The following NCOA1 variants were observed in gnomAD, a reference collection of about 807,000 sequenced individuals.
NCOA1 encodes Hin-2 protein.
Under a neutral mutation model 150.9 loss-of-function variants are expected in NCOA1, and 35 were observed. The observed-to-expected ratio is 0.23, with a 90% confidence interval of 0.18 to 0.31. The LOEUF (loss-of-function observed/expected upper bound fraction) is 0.31, where lower values mean the gene tolerates loss of function less well. Among genes scored for constraint, NCOA1 ranks in the 10% least tolerant of loss-of-function variants. The probability of loss-of-function intolerance (pLI) is 1.00; values close to 1 mark genes in which losing one functional copy is unlikely to be tolerated. For missense variants in NCOA1, 1,491 were observed against 1,749.3 expected (o/e 0.85, Z 2.63); for synonymous variants, 590 against 630.0 (o/e 0.94, Z 0.95).
intron 21 of NCOA1, among the ~76,000 whole-genome samples, chr2:24,762,245 A>C (rs1285609205): frequency 1.3e-5 from 2 of 152,138 alleles, no homozygotes. Flanking sequence ...TTTTTTTCAC[A>C]TATTTTGTCA....
chr2:24,608,345 A>C (rs939457285), intron 3 of NCOA1, among the ~76,000 whole-genome samples: 5 of 149,852 alleles, frequency 3.3e-5, no homozygotes, highest in African/African-American at 9.8e-5. Context: ...CAGTGGTGCG[A>C]TCTCTGCTCA....
intron 8 of NCOA1, among the ~76,000 whole-genome samples, chr2:24,689,368 T>C (rs1331523574): frequency 6.6e-6 from 1 of 152,172 alleles, no homozygotes; most frequent in Non-Finnish European, 1.5e-5. Flanking sequence ...GATGTTTTTC[T>C]ATGTGTTTGT....
intron 1 of NCOA1, among the ~76,000 whole-genome samples, chr2:24,495,047 CT>C (rs1663140850): frequency 6.9e-6 from 1 of 144,784 alleles, no homozygotes; most frequent in Non-Finnish European, 1.5e-5. Flanking sequence ...CTAGTGGCAA[CT>C]AGGTACCAAT....
At chr2:24,761,089 C>G (rs1664769509) in intron 21 of NCOA1, among the ~76,000 whole-genome samples, 2 of 152,212 alleles carry the variant, frequency 1.3e-5, no homozygotes, top group Admixed American at 6.5e-5. Flanking sequence ...CTCAGGTGAT[C>G]TGCCCACCTC....
chr2:24,573,436 A>C (rs1476537438), intron 2 of NCOA1, among the ~76,000 whole-genome samples: 1 of 152,146 alleles, frequency 6.6e-6, no homozygotes, highest in Non-Finnish European at 1.5e-5. Flanking sequence ...CAGCAAACCC[A>C]GAGTTAGATA....
At chr2:24,658,321 C>G (rs1034729759) in intron 4 of NCOA1, among the ~76,000 whole-genome samples, 11 of 152,106 alleles carry the variant, frequency 7.2e-5, no homozygotes, top group African/African-American at 2.4e-4. Flanking sequence ...CAACATTCGG[C>G]TTCTACATTT....
intron 1 of NCOA1, among the ~76,000 whole-genome samples, chr2:24,530,409 A>G (rs1236757403): frequency 1.3e-5 from 2 of 152,176 alleles, no homozygotes; most frequent in East Asian, 3.8e-4. Flanking sequence ...GGAAAAACCT[A>G]TTTCTTACAC....
chr2:24,641,672 G>T (rs1670223133), intron 3 of NCOA1, among the ~76,000 whole-genome samples: 1 of 152,144 alleles, frequency 6.6e-6, no homozygotes, highest in African/African-American at 2.4e-5. Flanking sequence ...TTTAATGGAA[G>T]AAATTATTCC....
In NCOA1 at chr2:24,610,657, TTTAA is replaced by T. The variant is rs1456429067; in HGVS notation, c.-175+26099_-175+26102del. Among the ~76,000 whole-genome samples, 5 of 152,002 alleles carry T rather than the reference TTTAA, an allele frequency of 3.3e-5. No individual in the cohort carries two copies. In the East Asian group the frequency reaches 9.6e-4, roughly 29 times the overall value. On this transcript the variant is annotated intron_variant, in intron 3 of 22. Transcript: ENST00000348332. The stretch of plus-strand genomic sequence containing the variant: ...TTTTTCTCTTAATATATTAAACATA[TTTAA>T]TATTCTATATTTGATAATTCTAATA...
intron 2 of NCOA1, among the ~76,000 whole-genome samples, chr2:24,582,513 C>T (rs1379554628): frequency 6.6e-6 from 1 of 151,990 alleles, no homozygotes; most frequent in Non-Finnish European, 1.5e-5. Flanking sequence ...CTAATATTGT[C>T]AAAATGACCA....
intron 3 of NCOA1, among the ~76,000 whole-genome samples, chr2:24,606,969 C>T (rs1202982292): frequency 6.6e-6 from 1 of 152,154 alleles, no homozygotes; most frequent in African/African-American, 2.4e-5. Context: ...GCCATTGCCA[C>T]CCTCACTTCT....
At chr2:24,588,717 T>C (rs1558817241) in intron 3 of NCOA1, among the ~76,000 whole-genome samples, 1 of 152,174 alleles carries the variant, frequency 6.6e-6, no homozygotes, top group Non-Finnish European at 1.5e-5. Flanking sequence ...AGGTCTTTAG[T>C]AGGAGAAGAG....
At chr2:24,704,938 G>T (rs1222338362) in intron 11 of NCOA1, 148 bp from the exon 12 acceptor site, 5 of 684,664 alleles carry the variant, frequency 7.3e-6, no homozygotes. Context: ...TATCTGCTTT[G>T]TCTGAACTAT....
intron 22 of NCOA1, among the ~76,000 whole-genome samples, chr2:24,765,675 T>C (rs984224676): frequency 1.3e-5 from 2 of 152,160 alleles, no homozygotes; most frequent in Admixed American, 6.5e-5. Context: ...GCAAAAATTA[T>C]GCCAGAAAAT....
chr2:24,714,128 A>T (rs1673902109), intron 14 of NCOA1, among the ~76,000 whole-genome samples: 1 of 152,156 alleles, frequency 6.6e-6, no homozygotes, highest in Non-Finnish European at 1.5e-5. Flanking sequence ...TTTAGTGGAA[A>T]ATGGCCTCAC....
At chr2:24,577,605 G>C (rs1466814912) in intron 2 of NCOA1, among the ~76,000 whole-genome samples, 2 of 152,128 alleles carry the variant, frequency 1.3e-5, no homozygotes, top group African/African-American at 4.8e-5. Flanking sequence ...TTGAACTCAT[G>C]GTTTCAGTTT....
chr2:24,527,662 C>T (rs1446697054), intron 1 of NCOA1, among the ~76,000 whole-genome samples: 1 of 152,154 alleles, frequency 6.6e-6, no homozygotes, highest in Non-Finnish European at 1.5e-5. Flanking sequence ...GTAATTTAAT[C>T]TCCTTTGTGT....
At chr2:24,557,315 G>T (rs573982593) in intron 1 of NCOA1, among the ~76,000 whole-genome samples, 67 of 151,826 alleles carry the variant, frequency 4.4e-4, no homozygotes, top group African/African-American at 1.6e-3. Context: ...CTTCAATTTT[G>T]TATCTCCCCT....
At chr2:24,741,349 A>G (rs947851370) in intron 18 of NCOA1, among the ~76,000 whole-genome samples, 3 of 152,222 alleles carry the variant, frequency 2.0e-5, no homozygotes, top group Non-Finnish European at 4.4e-5. Context: ...TTTGGAATTG[A>G]AAAAGTCTTC....
Sources: allele counts gnomAD v4.1 joint callset (sites outside exome capture counted in the v4.1 genomes callset), GRCh38; gene constraint gnomAD v4.1.1; transcripts MANE v1.5; gene names NCBI Gene and HGNC (gene_info 2026-07-23, HGNC 2026-07-21).